CRYL1: variants seen among roughly 807,000 people sequenced by gnomAD.
CRYL1 encodes lambda-crystallin homolog.
In CRYL1, 29 loss-of-function variants were observed where a neutral mutation model predicts 36.6. That is an observed-to-expected ratio of 0.79 (90% CI 0.59 to 1.08). The LOEUF (loss-of-function observed/expected upper bound fraction) is 1.08. CRYL1 is among the 50% of genes least tolerant of loss of function. The probability of loss-of-function intolerance (pLI) is 0.00; values close to 1 mark genes in which losing one functional copy is unlikely to be tolerated. For missense variants in CRYL1, 411 were observed against 407.9 expected, an observed-to-expected ratio of 1.01 and a Z score of -0.06; for synonymous variants, 152 against 151.5, an observed-to-expected ratio of 1.00 and a Z score of -0.02.
At chr13:20,523,861 C>T (rs1458918492) in intron 1 of CRYL1, among the ~76,000 whole-genome samples, 5 of 152,136 alleles carry the variant, frequency 3.3e-5, no homozygotes, top group Non-Finnish European at 7.4e-5. Context: ...AACTGAAGCT[C>T]CTCCTCAGTA....
At chr13:20,457,040 T>C (rs1009416662) in intron 3 of CRYL1, among the ~76,000 whole-genome samples, 2 of 152,078 alleles carry the variant, frequency 1.3e-5, no homozygotes, top group African/African-American at 4.8e-5. Context: ...GCAGCCCAGC[T>C]CAAGGATTCC....
intron 3 of CRYL1, among the ~76,000 whole-genome samples, chr13:20,465,940 C>G (rs1292076390): frequency 5.5e-5 from 7 of 128,258 alleles, no homozygotes; most frequent in African/African-American, 2.3e-4. Flanking sequence ...TCCATGAGAG[C>G]TGGTTGAAAA....
At chr13:20,410,030 T>C (rs1354029430) in intron 6 of CRYL1, among the ~76,000 whole-genome samples, 5 of 151,910 alleles carry the variant, frequency 3.3e-5, no homozygotes, top group African/African-American at 1.2e-4. Context: ...ATCCCATTAC[T>C]GGGTATATAC....
In CRYL1 at chr13:20,432,301, G is replaced by C. The variant is rs749867318; in HGVS notation, c.439-5C>G. 6.3e-7 allele frequency: 1 copy of C among 1,583,946 alleles called. No homozygotes were observed. The highest frequency in any genetic ancestry group is 8.6e-7 in the Non-Finnish European group (1 of 1,157,224). On this transcript the variant is annotated splice_polypyrimidine_tract_variant and splice_region_variant and intron_variant, in intron 4 of 7. Transcript: ENST00000298248. The stretch of plus-strand genomic sequence containing the variant: ...GATGTAGTATGGCGGATTCACCTTA[G>C]GAGAGAGAGAGAAGTGGGGGAGTCA...
At chr13:20,404,542 G>A in intron 7 of CRYL1, 93 bp downstream of exon 7, 1 of 784,990 alleles carries the variant, frequency 1.3e-6, no homozygotes, top group Non-Finnish European at 2.2e-6. Flanking sequence ...TCCAGCTGCA[G>A]AGGCAGGCCC....
At chr13:20,495,948 C>T (rs983486503) in intron 2 of CRYL1, among the ~76,000 whole-genome samples, 13 of 152,168 alleles carry the variant, frequency 8.5e-5, no homozygotes, top group African/African-American at 2.9e-4. Context: ...CAGGAATGCA[C>T]CACCACACCC....
intron 5 of CRYL1, among the ~76,000 whole-genome samples, chr13:20,416,264 G>A (rs1380921349): frequency 6.6e-6 from 1 of 152,222 alleles, no homozygotes; most frequent in Non-Finnish European, 1.5e-5. Context: ...GCAAGTCACT[G>A]CAATGCTGAG....
At chr13:20,452,103 G>A (rs1264965540) in intron 3 of CRYL1, among the ~76,000 whole-genome samples, 2 of 152,036 alleles carry the variant, frequency 1.3e-5, no homozygotes, top group African/African-American at 4.8e-5. Flanking sequence ...TGGACATAAA[G>A]ATGGCAACCA....
At chr13:20,500,841 A>C (rs9506503) in intron 2 of CRYL1, among the ~76,000 whole-genome samples, 132,534 of 152,116 alleles carry the variant, frequency 0.87, 60,362 homozygotes, top group East Asian at 1. Flanking sequence ...AGAAATTGAT[A>C]CTTTTTGCCT....
chr13:20,420,202 G>A (rs911972778), intron 5 of CRYL1, among the ~76,000 whole-genome samples: 6 of 152,172 alleles, frequency 3.9e-5, no homozygotes, highest in African/African-American at 1.2e-4. Flanking sequence ...TAAAACACCC[G>A]TCCTGTCAAG....
At position 20,497,227 on chromosome 13, in the gene CRYL1, T is replaced by A. The variant is rs532290262; in HGVS notation, c.150-7731A>T. The stretch of plus-strand genomic sequence containing the variant: ...CAGGGGCTTCAGATAGAGGACACCC[T>A]GAGAGGCGAGAGCCATGCGTGCCCA... On this transcript the variant is annotated intron_variant, in intron 2 of 7. Coordinates refer to ENST00000298248, the MANE Select transcript of CRYL1 (RefSeq NM_015974.3). Among the ~76,000 whole-genome samples, 3 of 151,752 alleles carry A rather than the reference T, an allele frequency of 2.0e-5. No individual in the cohort carries two copies. In the East Asian group the frequency reaches 5.8e-4, roughly 29 times the overall value.
At position 20,441,603 on chromosome 13, in the gene CRYL1, T is replaced by A. The variant is rs2032352119; in HGVS notation, c.277-1849A>T. Among the ~76,000 whole-genome samples the A allele has an allele frequency of 2.0e-5, 3 of 152,326 alleles. No individual in the cohort carries two copies. In the South Asian group the frequency reaches 6.2e-4, roughly 32 times the overall value. On this transcript the variant is annotated intron_variant, in intron 3 of 7. Coordinates refer to ENST00000298248, the MANE Select transcript of CRYL1 (RefSeq NM_015974.3). ...ACATCATATTAGGTCATGAATACAG[T>A]ATAAACACGAGCAGATAACAAGAAA...
At chr13:20,422,410 TAA>T (rs1289283670) in intron 5 of CRYL1, among the ~76,000 whole-genome samples, 1 of 130,686 alleles carries the variant, frequency 7.7e-6, no homozygotes, top group Non-Finnish European at 1.7e-5. Context: ...ACACAGCAAA[TAA>T]AAGTTTGCAG....
At chr13:20,500,719 A>G (rs2033687017) in intron 2 of CRYL1, among the ~76,000 whole-genome samples, 1 of 152,174 alleles carries the variant, frequency 6.6e-6, no homozygotes, top group Admixed American at 6.5e-5. Context: ...GCTGCCCACA[A>G]TGCCTCTCCT....
chr13:20,411,913 T>C (rs1453570274), intron 6 of CRYL1, among the ~76,000 whole-genome samples: 2 of 152,196 alleles, frequency 1.3e-5, no homozygotes, highest in African/African-American at 4.8e-5. Flanking sequence ...CAGGAACATG[T>C]CTAGTAAAGC....
intron 3 of CRYL1, among the ~76,000 whole-genome samples, chr13:20,451,278 A>G (rs892866341): frequency 9.9e-5 from 15 of 152,096 alleles, no homozygotes; most frequent in African/African-American, 3.4e-4. Context: ...AACAGAAACA[A>G]AAACTGACAA....
At chr13:20,437,385 G>C (rs1258216016) in intron 4 of CRYL1, among the ~76,000 whole-genome samples, 1 of 150,174 alleles carries the variant, frequency 6.7e-6, no homozygotes, top group Non-Finnish European at 1.5e-5. Flanking sequence ...TCGGCTCACT[G>C]CAAGCTCCAC....
At chr13:20,438,848 C>T (rs373002283) in intron 4 of CRYL1, among the ~76,000 whole-genome samples, 9 of 152,208 alleles carry the variant, frequency 5.9e-5, no homozygotes, top group African/African-American at 1.2e-4. Context: ...ACACTGAGCT[C>T]GCAGTTGGGG....
At chr13:20,503,358 G>A in intron 2 of CRYL1, among the ~76,000 whole-genome samples, 1 of 145,412 alleles carries the variant, frequency 6.9e-6, no homozygotes, top group African/African-American at 2.5e-5. Context: ...CACTCATGCG[G>A]CTTGCAATGA....
Sources: gnomAD v4.1 joint callset for allele counts (sites outside exome capture counted in the v4.1 genomes callset) on GRCh38, gnomAD v4.1.1 for gene constraint, MANE v1.5 for transcripts, NCBI Gene and HGNC (gene_info 2026-07-23, HGNC 2026-07-21) for gene names.